LHFPL2: variants seen among roughly 807,000 people sequenced by gnomAD.
The protein encoded by LHFPL2 is LHFPL tetraspan subfamily member 2 protein.
A neutral mutation model predicts 17.5 loss-of-function variants in LHFPL2; 7 were observed. The ratio of observed to expected loss-of-function variants is 0.40; its 90% CI spans 0.23 to 0.75. The LOEUF (loss-of-function observed/expected upper bound fraction) is 0.75, where lower values mean the gene tolerates loss of function less well. Ranked by LOEUF, LHFPL2 falls within the 30% of genes least tolerant of loss-of-function variation. LHFPL2 has a pLI of 0.37. For synonymous variants in LHFPL2, 134 were observed against 116.2 expected, an observed-to-expected ratio of 1.15 and a Z score of -0.99; for missense variants, 241 against 294.8, an observed-to-expected ratio of 0.82 and a Z score of 1.34.
At chr5:78,624,580 G>T (rs1036387699) in intron 2 of LHFPL2, among the ~76,000 whole-genome samples, 2 of 152,180 alleles carry the variant, frequency 1.3e-5, no homozygotes, top group Non-Finnish European at 1.5e-5. Context: ...CAGAGTTTGC[G>T]AATTTAAATA....
intron 3 of LHFPL2, among the ~76,000 whole-genome samples, chr5:78,519,984 C>A (rs377281561): frequency 5.0e-4 from 76 of 151,376 alleles, no homozygotes; most frequent in African/African-American, 1.7e-3. Flanking sequence ...CATTAACTAG[C>A]TCTGTGTCTT....
intron 2 of LHFPL2, among the ~76,000 whole-genome samples, chr5:78,580,011 T>C (rs1743051321): frequency 6.6e-6 from 1 of 152,234 alleles, no homozygotes; most frequent in Admixed American, 6.5e-5. Flanking sequence ...CCAGCACCTG[T>C]TGTTTCCTAA....
chr5:78,565,459 C>A (rs1260891439), intron 2 of LHFPL2, among the ~76,000 whole-genome samples: 1 of 152,134 alleles, frequency 6.6e-6, no homozygotes, highest in East Asian at 1.9e-4. Context: ...ATCAAGGATT[C>A]CTTTTGGTGG....
chr5:78,499,695 G>T (rs781712358), intron 4 of LHFPL2, among the ~76,000 whole-genome samples: 2 of 152,224 alleles, frequency 1.3e-5, no homozygotes, highest in Middle Eastern at 3.2e-3. Flanking sequence ...CAGGAGTGCC[G>T]TGAGGGGTTA....
intron 3 of LHFPL2, among the ~76,000 whole-genome samples, chr5:78,522,285 A>C (rs1580771756): frequency 6.6e-6 from 1 of 152,110 alleles, no homozygotes. Flanking sequence ...AAAAAAACAA[A>C]AATTTAGCCA....
chr5:78,488,600 T>G lies in LHFPL2; in HGVS notation c.*297A>C, dbSNP rs1013902067. 1.4e-4 allele frequency: 51 copies of G among 370,562 alleles called. No individual in the cohort carries two copies. Among genetic ancestry groups the G allele is most frequent in the Middle Eastern group, 1.5e-3 (2 of 1,294 alleles). The allele number at this position is 370,562 out of a possible 1,614,324, so 23.0% of individuals were successfully genotyped here. ...ACCAGAGAAACTGCTGCCCTAATGA[T>G]TTAGATTATTATCCTTCATTGAACC... On this transcript the variant is annotated 3_prime_UTR_variant, in exon 5 of 5. Transcript: ENST00000380345.
intron 3 of LHFPL2, among the ~76,000 whole-genome samples, chr5:78,557,874 G>A (rs762073343): frequency 7.2e-5 from 11 of 152,226 alleles, no homozygotes; most frequent in African/African-American, 2.2e-4. Context: ...ATGCCAGTGC[G>A]AGGGGTGTCT....
intron 3 of LHFPL2, among the ~76,000 whole-genome samples, chr5:78,554,222 G>A (rs891547833): frequency 6.6e-6 from 1 of 152,256 alleles, no homozygotes; most frequent in Non-Finnish European, 1.5e-5. Flanking sequence ...TCAAGCCCCC[G>A]TTCCTGCACA....
chr5:78,547,803 C>T lies in LHFPL2; in HGVS notation c.-186+17010G>A, dbSNP rs574413312. 5.3e-5 allele frequency among the ~76,000 whole-genome samples: 8 copies of T among 152,350 alleles called. No homozygotes were observed. In the South Asian group the frequency reaches 1.4e-3, roughly 28 times the overall value. ...TAACTGCCGCTCAGCGGAAGCATGA[C>T]GTAGGTCTCACTGTGGGAACCCAGA... On this transcript the variant is annotated intron_variant, in intron 3 of 4. Coordinates refer to ENST00000380345, the MANE Select transcript of LHFPL2 (RefSeq NM_005779.3).
intron 2 of LHFPL2, among the ~76,000 whole-genome samples, chr5:78,609,470 AAAAAAAG>A (rs1277500531): frequency 2.5e-4 from 36 of 145,424 alleles, no homozygotes; most frequent in African/African-American, 9.2e-4. Context: ...AAAAAAAAAA[AAAAAAAG>A]AGAGAGAGCT....
intron 3 of LHFPL2, among the ~76,000 whole-genome samples, chr5:78,550,640 G>A (rs924065695): frequency 1.3e-5 from 2 of 152,004 alleles, no homozygotes; most frequent in African/African-American, 4.8e-5. Flanking sequence ...GCATGATCTC[G>A]GCTCACTGCA....
At chr5:78,609,982 A>AGCAGCTGTG (rs1744362151) in intron 2 of LHFPL2, among the ~76,000 whole-genome samples, 1 of 152,158 alleles carries the variant, frequency 6.6e-6, no homozygotes, top group Non-Finnish European at 1.5e-5. Context: ...TGCCCTGGGC[A>AGCAGCTGTG]GCAGCTCCCA....
intron 2 of LHFPL2, among the ~76,000 whole-genome samples, chr5:78,577,859 T>A (rs554700381): frequency 6.6e-6 from 1 of 152,302 alleles, no homozygotes; most frequent in South Asian, 2.1e-4. Flanking sequence ...TAAATTTTTT[T>A]AAAAGTGAAC....
intron 2 of LHFPL2, among the ~76,000 whole-genome samples, chr5:78,568,277 T>C (rs1013034040): frequency 6.6e-6 from 1 of 152,168 alleles, no homozygotes; most frequent in African/African-American, 2.4e-5. Flanking sequence ...CCAACAAACA[T>C]TGTAAATAAA....
At chr5:78,515,822 G>C (rs915925754) in intron 3 of LHFPL2, among the ~76,000 whole-genome samples, 1 of 152,128 alleles carries the variant, frequency 6.6e-6, no homozygotes, top group Non-Finnish European at 1.5e-5. Context: ...TTGGTATTGG[G>C]GAGGGGAGGC....
chr5:78,509,944 G>C lies in LHFPL2; in HGVS notation c.270C>G (p.Gly90=). 6.2e-7 allele frequency: 1 copy of C among 1,613,742 alleles called. No individual in the cohort carries two copies. The highest frequency in any genetic ancestry group is 8.5e-7 in the Non-Finnish European group (1 of 1,180,018). Residue 90 remains glycine, a synonymous_variant, in exon 4 of 5, where the codon GGC becomes GGG. Transcript: ENST00000380345. ...TLCGPYAESF[G]EIASGFWQAT... ...CCTGCCAGAAGCCGCTGGCGATCTC[G>C]CCGAAGCTCTCGGCGTAGGGCCCGC... is the stretch of plus-strand genomic sequence containing the variant.
At chr5:78,516,341 C>G (rs1755290630) in intron 3 of LHFPL2, among the ~76,000 whole-genome samples, 1 of 152,192 alleles carries the variant, frequency 6.6e-6, no homozygotes. Context: ...TCTCTGACTT[C>G]TGGGAAAACT....
intron 2 of LHFPL2, among the ~76,000 whole-genome samples, chr5:78,595,106 T>G (rs1445266286): frequency 6.6e-6 from 1 of 152,222 alleles, no homozygotes; most frequent in Non-Finnish European, 1.5e-5. Context: ...CAACATGCAC[T>G]GATGAACAGT....
intron 3 of LHFPL2, among the ~76,000 whole-genome samples, chr5:78,551,906 A>G (rs919191696): frequency 2.6e-5 from 4 of 152,224 alleles, no homozygotes; most frequent in African/African-American, 9.6e-5. Context: ...AGAGAGGCCA[A>G]GAGGAATCTA....
Sources: allele counts gnomAD v4.1 joint callset (sites outside exome capture counted in the v4.1 genomes callset), GRCh38; gene constraint gnomAD v4.1.1; transcripts MANE v1.5; gene names NCBI Gene and HGNC (gene_info 2026-07-23, HGNC 2026-07-21).